Variants in MAP3K5 observed in about 807,000 individuals in gnomAD.
MAP3K5 encodes the protein mitogen-activated protein kinase kinase kinase 5.
MAP3K5 carries 56 observed loss-of-function variants against 158.7 expected under a neutral mutation model. The observed-to-expected ratio is 0.35, with a 90% CI of 0.28 to 0.44. The LOEUF is 0.44. Among genes scored for constraint, MAP3K5 ranks in the 20% least tolerant of loss-of-function variants. The pLI, the probability that MAP3K5 is intolerant of heterozygous loss-of-function variation, is 1.00. For missense variants in MAP3K5, 1,294 were observed against 1,674.8 expected, an observed-to-expected ratio of 0.77 and a Z score of 3.97; for synonymous variants, 579 against 601.7, an observed-to-expected ratio of 0.96 and a Z score of 0.55.
In MAP3K5 at chr6:136,791,808, C is replaced by T. The variant is rs752516381; in HGVS notation, c.350G>A (p.Arg117Gln). The change falls in exon 1 of 30, where the codon CGG becomes CAG. Residue 117 changes from arginine (R) to glutamine (Q), a missense_variant. Around this residue, in one of 5 missense-constraint regions of MAP3K5, gnomAD observed 690 missense variants for 870.5 expected, o/e 0.79. Coordinates refer to ENST00000359015, the MANE Select transcript of MAP3K5 (RefSeq NM_005923.4). ...GGCGCCCACTGTCTCGCACGCCTCCCGCAAGCTCTGCAGGGCCTCGCTCTC... is the reference window on the plus strand; with the variant it reads ...GGCGCCCACTGTCTCGCACGCCTCCTGCAAGCTCTGCAGGGCCTCGCTCTC... Reference protein sequence around the residue: ...VAESEALQSLREACETVGATL... With the variant: ...VAESEALQSLQEACETVGATL... 1.9e-6 allele frequency: 3 copies of T among 1,613,780 alleles called. No individual in the cohort carries two copies. Among genetic ancestry groups the T allele is most frequent in the Non-Finnish European group, 2.5e-6 (3 of 1,180,024 alleles).
intron 15 of MAP3K5, among the ~76,000 whole-genome samples, chr6:136,621,857 C>T (rs916331347): frequency 2.6e-5 from 4 of 152,114 alleles, no homozygotes; most frequent in South Asian, 4.1e-4. Flanking sequence ...GAGGCCGAGG[C>T]GGGCGGATCA....
At chr6:136,643,461 G>A (rs1778087517) in intron 11 of MAP3K5, among the ~76,000 whole-genome samples, 1 of 152,112 alleles carries the variant, frequency 6.6e-6, no homozygotes, top group Non-Finnish European at 1.5e-5. Context: ...ACCATGAAAA[G>A]GAGTTCTTAC....
At chr6:136,712,170 T>G (rs1239225323) in intron 2 of MAP3K5, among the ~76,000 whole-genome samples, 8 of 144,116 alleles carry the variant, frequency 5.6e-5, no homozygotes. Context: ...AAGCATTTAA[T>G]AGAGCTTTTT....
intron 1 of MAP3K5, among the ~76,000 whole-genome samples, chr6:136,740,249 C>T (rs1367976547): frequency 3.3e-5 from 5 of 152,156 alleles, no homozygotes; most frequent in Admixed American, 6.5e-5. Flanking sequence ...GTGTGCACAG[C>T]GGGGCTGGGG....
At chr6:136,791,131 T>C (rs1452075021) in intron 1 of MAP3K5, among the ~76,000 whole-genome samples, 1 of 152,236 alleles carries the variant, frequency 6.6e-6, no homozygotes, top group Non-Finnish European at 1.5e-5. Flanking sequence ...TTATTGCCTT[T>C]GGAAGCACTG....
At chr6:136,673,034 C>A (rs1779553262) in intron 7 of MAP3K5, among the ~76,000 whole-genome samples, 1 of 149,828 alleles carries the variant, frequency 6.7e-6, no homozygotes, top group Admixed American at 6.6e-5. Context: ...AAGCAATCTA[C>A]CAAATTTTGG....
intron 18 of MAP3K5, among the ~76,000 whole-genome samples, chr6:136,608,232 C>T (rs912998499): frequency 1.1e-4 from 16 of 151,950 alleles, no homozygotes; most frequent in Non-Finnish European, 1.9e-4. Context: ...AGAGCCTTGT[C>T]CCCCACTATG....
chr6:136,631,218 C>G (rs370897904), intron 14 of MAP3K5, among the ~76,000 whole-genome samples: 1 of 152,142 alleles, frequency 6.6e-6, no homozygotes, highest in East Asian at 1.9e-4. Context: ...AAGGCTTTTC[C>G]CCGTTCCCAA....
intron 2 of MAP3K5, among the ~76,000 whole-genome samples, chr6:136,706,032 T>G (rs1583451529): frequency 6.6e-6 from 1 of 152,174 alleles, no homozygotes; most frequent in Admixed American, 6.5e-5. Flanking sequence ...TGGAGGCAGG[T>G]GGATCACCTG....
intron 23 of MAP3K5, among the ~76,000 whole-genome samples, chr6:136,589,318 T>C (rs549357139): frequency 6.6e-6 from 1 of 152,084 alleles, no homozygotes; most frequent in East Asian, 1.9e-4. Flanking sequence ...GAAGGACAGG[T>C]AGAGGCCACG....
intron 14 of MAP3K5, among the ~76,000 whole-genome samples, chr6:136,624,672 T>C (rs1342570507): frequency 6.6e-6 from 1 of 151,920 alleles, no homozygotes. Context: ...AAATAACCAA[T>C]GGGTTAAAAA....
intron 14 of MAP3K5, among the ~76,000 whole-genome samples, chr6:136,626,655 G>A (rs1320090066): frequency 1.3e-5 from 2 of 152,076 alleles, no homozygotes; most frequent in East Asian, 3.8e-4. Flanking sequence ...CCACCAGTGG[G>A]ACCCAGCCAG....
intron 2 of MAP3K5, among the ~76,000 whole-genome samples, chr6:136,705,866 G>C (rs1781053296): frequency 6.6e-6 from 1 of 152,090 alleles, no homozygotes; most frequent in Admixed American, 6.5e-5. Context: ...TGAGCAGCTA[G>C]AAATAAAGGG....
chr6:136,761,022 T>C (rs187510326), intron 1 of MAP3K5, among the ~76,000 whole-genome samples: 2 of 151,958 alleles, frequency 1.3e-5, no homozygotes, highest in Admixed American at 6.5e-5. Flanking sequence ...AGAGGAGAGA[T>C]CCCTCTCCTT....
chr6:136,753,218 G>A (rs1359547199), intron 1 of MAP3K5, among the ~76,000 whole-genome samples: 1 of 152,054 alleles, frequency 6.6e-6, no homozygotes, highest in Admixed American at 6.6e-5. Flanking sequence ...TTTAACATGG[G>A]AAGACTGTAT....
Position 136,580,372 on chromosome 6 carries a change from G to C in MAP3K5, c.3446C>G (p.Pro1149Arg). Reference sequence around the variant, plus strand: ...ACTGTCTAAGGCAAACATCCAGTGCGGCTTGATGTTATGATTCCGAAGAAC... The same window carrying C: ...ACTGTCTAAGGCAAACATCCAGTGCCGCTTGATGTTATGATTCCGAAGAAC... Reference protein sequence around the residue: ...NKVLRNHNIKPHWMFALDSII... With the variant: ...NKVLRNHNIKRHWMFALDSII... The change falls in exon 25 of 30, where the codon CCG becomes CGG. Residue 1149 changes from proline (P) to arginine (R), a missense_variant. By Grantham distance (103) the Pro-to-Arg change is moderately radical. This residue lies in a region of MAP3K5 where 362 missense variants were observed against 463.2 expected (regional missense o/e 0.78). Transcript: ENST00000359015. 6.2e-7 allele frequency: 1 copy of C among 1,612,892 alleles called. No homozygotes were observed. Among genetic ancestry groups the C allele is most frequent in the Non-Finnish European group, 8.5e-7 (1 of 1,178,958 alleles).
intron 25 of MAP3K5, among the ~76,000 whole-genome samples, chr6:136,573,377 T>C (rs893002547): frequency 2.0e-5 from 3 of 152,246 alleles, no homozygotes; most frequent in Non-Finnish European, 4.4e-5. Flanking sequence ...CCAGCTTTCT[T>C]GGTTCTCCAG....
At chr6:136,766,287 A>G (rs1020567056) in intron 1 of MAP3K5, among the ~76,000 whole-genome samples, 2 of 152,250 alleles carry the variant, frequency 1.3e-5, no homozygotes, top group Admixed American at 1.3e-4. Context: ...AGGCCAAGCA[A>G]TAACTCCGTA....
At chr6:136,593,714 C>CAAAA (rs760563651) in intron 21 of MAP3K5, 47 of 243,002 alleles carry the variant, frequency 1.9e-4, no homozygotes, top group South Asian at 3.0e-4. Context: ...GACAGATATG[C>CAAAA]AAAAAAAAAA....
Sources: gnomAD v4.1 joint callset for allele counts (sites outside exome capture counted in the v4.1 genomes callset) on GRCh38, gnomAD v4.1.1 for gene constraint, gnomAD v4.1.1 regional missense constraint, MANE v1.5 for transcripts, NCBI Gene and HGNC (gene_info 2026-07-23, HGNC 2026-07-21) for gene names.